TENM2: variants seen among roughly 807,000 people sequenced by gnomAD.
TENM2 encodes teneurin transmembrane protein 2, also known as teneurin-2.
A neutral mutation model predicts 245.2 loss-of-function variants in TENM2; 52 were observed. That is an observed-to-expected ratio of 0.21 (90% CI 0.17 to 0.27). The LOEUF (loss-of-function observed/expected upper bound fraction) is 0.27, where lower values mean the gene tolerates loss of function less well. TENM2 is among the 10% of genes least tolerant of loss of function. TENM2 has a pLI of 1.00. For synonymous variants in TENM2, 1,363 were observed against 1,438.9 expected (o/e 0.95, Z 1.19); for missense variants, 3,046 against 3,666.8 (o/e 0.83, Z 4.37).
chr5:167,993,908 T>G (rs1489383915), intron 5 of TENM2, among the ~76,000 whole-genome samples: 1 of 152,240 alleles, frequency 6.6e-6, no homozygotes, highest in Admixed American at 6.5e-5. Flanking sequence ...CCAAAGGTGT[T>G]GGTTTACAGC....
At chr5:168,116,016 C>G (rs1451815521) in intron 9 of TENM2, among the ~76,000 whole-genome samples, 4 of 152,180 alleles carry the variant, frequency 2.6e-5, no homozygotes, top group Non-Finnish European at 5.9e-5. Context: ...AAACTTAACT[C>G]TGTCTTAAAT....
chr5:167,998,512 C>T (rs1784213352), intron 5 of TENM2, among the ~76,000 whole-genome samples: 1 of 152,154 alleles, frequency 6.6e-6, no homozygotes, highest in Admixed American at 6.5e-5. Context: ...TTCGGCATGA[C>T]ATGGGACTCA....
intron 2 of TENM2, among the ~76,000 whole-genome samples, chr5:167,398,380 TTC>T (rs1491280232): frequency 4.5e-5 from 1 of 22,046 alleles, no homozygotes; most frequent in Non-Finnish European, 6.7e-5. Context: ...CTTTCTTCCT[TTC>T]TTTCTTTCTT....
chr5:167,706,049 CAA>C (rs1262149651), intron 2 of TENM2, among the ~76,000 whole-genome samples: 1 of 137,526 alleles, frequency 7.3e-6, no homozygotes, highest in Non-Finnish European at 1.6e-5. Context: ...TTATATTATA[CAA>C]TATATATTTA....
intron 2 of TENM2, among the ~76,000 whole-genome samples, chr5:167,664,114 G>C (rs150801542): frequency 6.6e-6 from 1 of 152,136 alleles, no homozygotes; most frequent in African/African-American, 2.4e-5. Context: ...CCTGAGTTGA[G>C]GGTGCATTCC....
chr5:167,361,779 A>G (rs1759734066), intron 1 of TENM2, among the ~76,000 whole-genome samples: 1 of 152,188 alleles, frequency 6.6e-6, no homozygotes, highest in Non-Finnish European at 1.5e-5. Flanking sequence ...TGTCTCTATT[A>G]TATGTGAATA....
intron 1 of TENM2, among the ~76,000 whole-genome samples, chr5:167,339,470 A>G (rs967457872): frequency 2.0e-5 from 3 of 152,052 alleles, no homozygotes; most frequent in Admixed American, 6.6e-5. Context: ...TTGTTTAACC[A>G]TACTCATAGT....
At chr5:167,133,395 A>G in the TENM2 span, among the ~76,000 whole-genome samples, 3 of 152,198 alleles carry the variant, frequency 2.0e-5, no homozygotes, top group African/African-American at 7.2e-5. Context: ...CAGTTTGTGC[A>G]TGCTTGGTTC....
chr5:167,439,093 C>T (rs922832441), intron 2 of TENM2, among the ~76,000 whole-genome samples: 13 of 152,140 alleles, frequency 8.5e-5, no homozygotes, highest in African/African-American at 2.9e-4. Flanking sequence ...CGCACCGGGC[C>T]GCCAAGTTTT....
chr5:167,327,699 G>T (rs1448082511), intron 1 of TENM2, among the ~76,000 whole-genome samples: 1 of 152,092 alleles, frequency 6.6e-6, no homozygotes, highest in Non-Finnish European at 1.5e-5. Flanking sequence ...CTAAGCAGAG[G>T]GTCCAGTATA....
intron 2 of TENM2, among the ~76,000 whole-genome samples, chr5:167,761,868 A>G (rs41416744): frequency 0.015 from 2,336 of 152,310 alleles, 67 homozygotes; most frequent in East Asian, 0.12. Flanking sequence ...TGAGCCAGAG[A>G]TAGAAGCACA....
At chr5:168,108,683 A>G (rs77023369) in intron 9 of TENM2, among the ~76,000 whole-genome samples, 3,938 of 152,258 alleles carry the variant, frequency 0.026, 179 homozygotes, top group African/African-American at 0.09. Context: ...TGGCCCTGAT[A>G]GCCATCCAAA....
chr5:167,916,434 C>T (rs1776940902), intron 3 of TENM2, among the ~76,000 whole-genome samples: 1 of 152,122 alleles, frequency 6.6e-6, no homozygotes, highest in Admixed American at 6.5e-5. Flanking sequence ...TTCATCTCCC[C>T]CACTGCTCGG....
Position 168,004,068 on chromosome 5 carries a change from G to A in TENM2, c.1186+10886G>A, listed in dbSNP as rs183415149. Among the ~76,000 whole-genome samples the A allele has an allele frequency of 3.9e-5, 6 of 152,252 alleles. 1 individual carries two copies. Among genetic ancestry groups the A allele is most frequent in the Admixed American group, 2.6e-4 (4 of 15,302 alleles). On this transcript the variant is annotated intron_variant, in intron 5 of 28. Transcript: ENST00000518659. ...TCTCCAGAGACCATAGCAAGTTGGG[G>A]GTTCCAAATCGCCTTTGTCTTCAAA...
At chr5:167,084,510 G>A in the TENM2 span, among the ~76,000 whole-genome samples, 5 of 151,100 alleles carry the variant, frequency 3.3e-5, no homozygotes, top group Admixed American at 1.3e-4. Flanking sequence ...TGGAGACCAC[G>A]TGATATCGTG....
At position 167,886,689 on chromosome 5, in the gene TENM2, A is replaced by T. The variant is rs867524997; in HGVS notation, c.712+10494A>T. The stretch of plus-strand genomic sequence containing the variant: ...TTGCTATTTTTGAACTGAACGTTAT[A>T]GAACGATTTAATTCTTTAAACCATG... On this transcript the variant is annotated intron_variant, in intron 3 of 28. Coordinates refer to ENST00000518659, the Ensembl canonical transcript of TENM2. Among the ~76,000 whole-genome samples the T allele has an allele frequency of 6.6e-5, 10 of 152,360 alleles. No homozygotes were observed. The Middle Eastern group carries it at 0.01, about 155-fold the overall frequency.
chr5:168,021,900 C>G (rs1207864937), intron 5 of TENM2, among the ~76,000 whole-genome samples: 1 of 151,890 alleles, frequency 6.6e-6, no homozygotes, highest in African/African-American at 2.4e-5. Context: ...GTGAGATCTA[C>G]CCCCTCCTAA....
chr5:167,557,300 A>T (rs1392880971), intron 2 of TENM2, among the ~76,000 whole-genome samples: 1 of 152,216 alleles, frequency 6.6e-6, no homozygotes, highest in Non-Finnish European at 1.5e-5. Context: ...TGTCACCATG[A>T]TGCCTATTTT....
rs192029256 is a variant in TENM2 at position 167,413,056 on chromosome 5, T to C, written c.502+37583T>C. 5.5e-4 allele frequency among the ~76,000 whole-genome samples: 83 copies of C among 152,256 alleles called. 1 individual carries two copies. In the Middle Eastern group the frequency reaches 0.01, roughly 19 times the overall value. ...TCATTTAATTCAGGACTACTAGTTATCTAGAAACATTTTTGTTATTGTGTC... is the reference window on the plus strand; with the variant it reads ...TCATTTAATTCAGGACTACTAGTTACCTAGAAACATTTTTGTTATTGTGTC... On this transcript the variant is annotated intron_variant, in intron 2 of 28. Transcript: ENST00000518659.
Sources: gnomAD v4.1 joint callset for allele counts (sites outside exome capture counted in the v4.1 genomes callset) on GRCh38, gnomAD v4.1.1 for gene constraint, MANE v1.5 for transcripts, NCBI Gene and HGNC (gene_info 2026-07-23, HGNC 2026-07-21) for gene names.